CNBD1: variants seen among roughly 807,000 people sequenced by gnomAD.
The protein encoded by CNBD1 is cyclic nucleotide binding domain containing 1.
A neutral mutation model predicts 54.4 loss-of-function variants in CNBD1; 71 were observed. The ratio of observed to expected loss-of-function variants is 1.30; its 90% confidence interval spans 1.08 to 1.59. CNBD1 has a LOEUF of 1.59. Among genes scored for constraint, CNBD1 ranks in the 40% most tolerant of loss-of-function variants. The pLI is 0.00. For missense variants in CNBD1, 659 were observed against 518.0 expected, an observed-to-expected ratio of 1.27 and a Z score of -2.64; for synonymous variants, 182 against 170.7, an observed-to-expected ratio of 1.07 and a Z score of -0.51.
At chr8:87,360,964 C>G (rs531696979) in intron 10 of CNBD1, among the ~76,000 whole-genome samples, 1 of 151,854 alleles carries the variant, frequency 6.6e-6, no homozygotes, top group South Asian at 2.1e-4. Context: ...TCAAAAACTT[C>G]TTCCCAACAC....
intron 8 of CNBD1, among the ~76,000 whole-genome samples, chr8:87,331,602 G>T (rs1174948651): frequency 1.3e-5 from 2 of 152,138 alleles, no homozygotes; most frequent in East Asian, 3.9e-4. Context: ...TGGATCAAAT[G>T]ATATTTCTAG....
intron 4 of CNBD1, among the ~76,000 whole-genome samples, chr8:87,141,103 G>T (rs1452968003): frequency 1.3e-5 from 2 of 151,988 alleles, no homozygotes; most frequent in Non-Finnish European, 2.9e-5. Flanking sequence ...GTTCACACAT[G>T]GTATTTACTA....
rs1373116909 is a variant in CNBD1 at position 87,282,301 on chromosome 8, T to C, written c.772-2377T>C. Among the ~76,000 whole-genome samples, 10 of 151,858 alleles carry C rather than the reference T, an allele frequency of 6.6e-5. No homozygotes were observed. In the East Asian group the frequency reaches 1.7e-3, roughly 26 times the overall value. On this transcript the variant is annotated intron_variant, in intron 6 of 10. Coordinates refer to ENST00000518476, the MANE Select transcript of CNBD1 (RefSeq NM_173538.3). ...CTCTTATTTTAAAAGAGTACCATAT[T>C]AGTCATTCTAAAATTATTATATATC...
At chr8:87,301,721 C>G (rs372186323) in intron 8 of CNBD1, among the ~76,000 whole-genome samples, 2 of 151,750 alleles carry the variant, frequency 1.3e-5, no homozygotes, top group African/African-American at 4.8e-5. Flanking sequence ...TTGAAAAGAT[C>G]AACAAAAGTG....
chr8:87,089,129 G>A (rs1177574806), intron 4 of CNBD1, among the ~76,000 whole-genome samples: 3 of 152,048 alleles, frequency 2.0e-5, no homozygotes, highest in Non-Finnish European at 4.4e-5. Context: ...TCAGGGAAAG[G>A]CAGAAAATAT....
At chr8:87,283,454 T>G (rs2130868832) in intron 6 of CNBD1, among the ~76,000 whole-genome samples, 1 of 152,186 alleles carries the variant, frequency 6.6e-6, no homozygotes, top group African/African-American at 2.4e-5. Flanking sequence ...CCTTTCTCTC[T>G]GAATTTATAC....
chr8:86,923,050 A>G (rs956359710), intron 3 of CNBD1, among the ~76,000 whole-genome samples: 4 of 152,202 alleles, frequency 2.6e-5, no homozygotes, highest in Non-Finnish European at 5.9e-5. Flanking sequence ...TGAGTTCTCC[A>G]GGTCCTTGGC....
intron 4 of CNBD1, among the ~76,000 whole-genome samples, chr8:87,125,888 G>C (rs557304953): frequency 6.6e-6 from 1 of 151,832 alleles, no homozygotes; most frequent in Non-Finnish European, 1.5e-5. Context: ...TTGCTATATA[G>C]ATCAGTTTCC....
chr8:86,912,053 A>G (rs979075043), intron 3 of CNBD1, among the ~76,000 whole-genome samples: 1 of 152,156 alleles, frequency 6.6e-6, no homozygotes, highest in African/African-American at 2.4e-5. Context: ...AAAATGTGAC[A>G]TTTTTATGGG....
At chr8:87,413,631 G>A (rs1208107842) in intron 2 of CNBD1, among the ~76,000 whole-genome samples, 1 of 151,996 alleles carries the variant, frequency 6.6e-6, no homozygotes, top group East Asian at 1.9e-4. Context: ...ATCTGACAAA[G>A]GGCTAATATC....
intron 4 of CNBD1, among the ~76,000 whole-genome samples, chr8:87,038,199 G>A (rs1248801826): frequency 6.6e-6 from 1 of 152,070 alleles, no homozygotes; most frequent in Non-Finnish European, 1.5e-5. Flanking sequence ...GTTTGGAGGG[G>A]GACTTTAGAG....
At chr8:87,066,342 C>T (rs1168655159) in intron 4 of CNBD1, among the ~76,000 whole-genome samples, 3 of 151,730 alleles carry the variant, frequency 2.0e-5, no homozygotes, top group East Asian at 1.9e-4. Context: ...CATAGTTACA[C>T]TACCCCAGTC....
intron 10 of CNBD1, among the ~76,000 whole-genome samples, chr8:87,367,445 G>A (rs955100894): frequency 2.6e-5 from 4 of 151,914 alleles, no homozygotes; most frequent in Non-Finnish European, 1.5e-5. Flanking sequence ...AGAACTCTTC[G>A]AGAAATCTGC....
intron 8 of CNBD1, among the ~76,000 whole-genome samples, chr8:87,320,812 A>G (rs947622811): frequency 6.6e-6 from 1 of 152,088 alleles, no homozygotes; most frequent in Non-Finnish European, 1.5e-5. Flanking sequence ...ATATCTCTCT[A>G]ATATTTTCAC....
chr8:86,902,723 A>G (rs890364634), intron 2 of CNBD1, among the ~76,000 whole-genome samples: 3 of 151,928 alleles, frequency 2.0e-5, no homozygotes, highest in Admixed American at 6.6e-5. Flanking sequence ...GGTAGGATTT[A>G]CTCATAGCCT....
chr8:87,274,208 G>A (rs979702259), intron 6 of CNBD1, among the ~76,000 whole-genome samples: 8 of 150,798 alleles, frequency 5.3e-5, no homozygotes, highest in East Asian at 3.9e-4. Context: ...CTTTGCTATC[G>A]TGAATGGTGC....
chr8:87,423,254 G>C (rs1033534094), intron 2 of CNBD1, among the ~76,000 whole-genome samples: 5 of 151,510 alleles, frequency 3.3e-5, no homozygotes, highest in Non-Finnish European at 5.9e-5. Flanking sequence ...TTTCCTAATT[G>C]AATACCCTTT....
intron 8 of CNBD1, among the ~76,000 whole-genome samples, chr8:87,316,578 T>A (rs1468505431): frequency 6.6e-6 from 1 of 152,132 alleles, no homozygotes; most frequent in East Asian, 1.9e-4. Flanking sequence ...CACACTTGTT[T>A]GTTCAGAGGT....
At chr8:86,872,554 T>TA (rs1203544566) in intron 1 of CNBD1, among the ~76,000 whole-genome samples, 2 of 152,294 alleles carry the variant, frequency 1.3e-5, no homozygotes, top group Non-Finnish European at 2.9e-5. Context: ...TCACCAACAG[T>TA]ATATCAGGGT....
Sources: allele counts gnomAD v4.1 joint callset (sites outside exome capture counted in the v4.1 genomes callset), GRCh38; gene constraint gnomAD v4.1.1; transcripts MANE v1.5; gene names NCBI Gene and HGNC (gene_info 2026-07-23, HGNC 2026-07-21).